CCT5: variants seen among roughly 807,000 people sequenced by gnomAD.
CCT5 encodes the protein chaperonin containing TCP1 subunit 5.
Under a neutral mutation model 55.0 loss-of-function variants are expected in CCT5, and 6 were observed. The ratio of observed to expected loss-of-function variants is 0.11; its 90% CI spans 0.06 to 0.22. The LOEUF (loss-of-function observed/expected upper bound fraction) is 0.22, where lower values mean the gene tolerates loss of function less well. CCT5 is among the 10% of genes least tolerant of loss of function. The pLI, the probability that CCT5 is intolerant of heterozygous loss-of-function variation, is 1.00. For synonymous variants in CCT5, 231 were observed against 243.7 expected, an observed-to-expected ratio of 0.95 and a Z score of 0.49; for missense variants, 560 against 694.6, an observed-to-expected ratio of 0.81 and a Z score of 2.18.
chr5:10,251,862 A>G (rs146352978), intron 1 of CCT5, among the ~76,000 whole-genome samples: 2 of 152,374 alleles, frequency 1.3e-5, no homozygotes, highest in African/African-American at 4.8e-5. Context: ...GTGTAACAAC[A>G]TAACTAAAAC....
chr5:10,258,817 C>A (rs775515354), intron 6 of CCT5, among the ~76,000 whole-genome samples: 1 of 152,120 alleles, frequency 6.6e-6, no homozygotes, highest in Non-Finnish European at 1.5e-5. Flanking sequence ...CACGGTGAAA[C>A]GCCATTTCTA....
intron 8 of CCT5, chr5:10,261,961 A>G (rs557903153): frequency 3.0e-5 from 17 of 564,248 alleles, no homozygotes; most frequent in Non-Finnish European, 3.8e-5. Flanking sequence ...AGAGTATACA[A>G]TATACACTAT....
Position 10,258,582 on chromosome 5 carries a change from A to G in CCT5, c.873+47A>G, listed in dbSNP as rs1357670154. On this transcript the variant is annotated intron_variant, in intron 6 of 10. Transcript: ENST00000280326. ...AGTGGAATTTAAACTCCCAAAGGGT[A>G]CAGTTAGTTAGGTTTGGTTAGTAAA... 4 of 1,545,660 alleles carry G rather than the reference A, an allele frequency of 2.6e-6. No homozygotes were observed. In the Admixed American group the frequency reaches 6.7e-5, roughly 26 times the overall value.
At position 10,260,183 on chromosome 5, in the gene CCT5, G is replaced by A. The variant is rs140987479; in HGVS notation, c.874-609G>A. Among the ~76,000 whole-genome samples the A allele has an allele frequency of 3.0e-3, 457 of 152,334 alleles. 5 individuals are homozygous for A. The highest frequency in any genetic ancestry group is 0.01 in the African/African-American group (432 of 41,580). ...AGGTAAGCCAGAGTTGTGGGGCACG[G>A]TGTGGCAGTCCCAGGTGAGCACCAG... On this transcript the variant is annotated intron_variant, in intron 6 of 10. Transcript: ENST00000280326.
intron 3 of CCT5, among the ~76,000 whole-genome samples, chr5:10,255,354 A>G (rs570316587): frequency 1.3e-4 from 20 of 152,178 alleles, no homozygotes; most frequent in Non-Finnish European, 2.4e-4. Context: ...TCGTTTTAGT[A>G]TTGTACCTTT....
chr5:10,250,221 T>A (rs779018653), upstream of CCT5: 10 of 1,560,580 alleles, frequency 6.4e-6, no homozygotes, highest in South Asian at 1.2e-5. Flanking sequence ...GAAACATAAG[T>A]CCCGCGCGTC....
Position 10,265,173 on chromosome 5 carries a change from G to A in CCT5, c.*390G>A. The A allele has an allele frequency of 4.3e-6, 1 of 232,092 alleles. No homozygotes were observed. The highest frequency in any genetic ancestry group is 5.6e-5 in the South Asian group (1 of 17,904). The allele number at this position is 232,092 out of a possible 1,614,324, so 14.4% of individuals were successfully genotyped here. On this transcript the variant is annotated 3_prime_UTR_variant, in exon 11 of 11. Transcript: ENST00000280326. ...CTCTCAAGATGCACTTTCATATTGA[G>A]AGGAATATGGGCTTGATCCTCTTCC...
Position 10,254,831 on chromosome 5 carries a change from A to C in CCT5, c.324A>C (p.Gly108=). Residue 108 remains glycine (G), a synonymous_variant, in exon 3 of 11, where the codon GGA becomes GGC. Transcript: ENST00000280326. ...ATGAAATTGGAGATGGAACCACAGGAGTGGTTGGTAAGAAAAGACAAAACA... is the reference window on the plus strand; with the variant it reads ...ATGAAATTGGAGATGGAACCACAGGCGTGGTTGGTAAGAAAAGACAAAACA... The part of the protein sequence containing the change: ...QDDEIGDGTT[G]VVVLAGALLE... 1 of 1,613,222 alleles carries C rather than the reference A, an allele frequency of 6.2e-7. No individual in the cohort carries two copies. The highest frequency in any genetic ancestry group is 1.3e-5 in the African/African-American group (1 of 75,044).
chr5:10,250,500 G>C (rs1410009738), intron 1 of CCT5, 55 bp downstream of exon 1: 9 of 1,603,226 alleles, frequency 5.6e-6, no homozygotes, highest in South Asian at 3.3e-5. Context: ...CCGAGGCCGT[G>C]GCTCTGCGCC....
intron 4 of CCT5, 76 bp downstream of exon 4, chr5:10,256,229 A>C: frequency 8.3e-7 from 1 of 1,205,278 alleles, no homozygotes; most frequent in East Asian, 2.5e-5. Flanking sequence ...AGGCAACACA[A>C]AATGACCACT....
At chr5:10,255,812 TA>T (rs1277549153) in intron 3 of CCT5, 142 bp from the exon 4 acceptor site, 1 of 734,548 alleles carries the variant, frequency 1.4e-6, no homozygotes. Flanking sequence ...CTTTTAAAAA[TA>T]GAGGGCTTCT....
chr5:10,251,272 C>T (rs779934167), intron 1 of CCT5, among the ~76,000 whole-genome samples: 20 of 152,074 alleles, frequency 1.3e-4, no homozygotes, highest in Non-Finnish European at 2.1e-4. Context: ...AGAAGGGGAG[C>T]CATTGAGGGG....
At chr5:10,251,551 CAA>C (rs1745416614) in intron 1 of CCT5, among the ~76,000 whole-genome samples, 1 of 152,138 alleles carries the variant, frequency 6.6e-6, no homozygotes, top group Admixed American at 6.5e-5. Flanking sequence ...TTTACTTACG[CAA>C]AGTTAGAAAC....
Position 10,254,146 on chromosome 5 carries a change from C to G in CCT5, c.107C>G (p.Ser36Cys), listed in dbSNP as rs1333902630. 3.1e-6 allele frequency: 5 copies of G among 1,602,550 alleles called. No individual in the cohort carries two copies. The highest frequency in any genetic ancestry group is 2.2e-5 in the South Asian group (2 of 90,790). The part of the protein sequence containing the change: ...SRLMGLEALK[S>C]HIMAAKAVAN... Reference sequence around the variant, plus strand: ...TGCTTTTTCTGTTTGTTTCATTAGTCTCATATAATGGCAGCAAAGGCTGTA... The same window carrying G: ...TGCTTTTTCTGTTTGTTTCATTAGTGTCATATAATGGCAGCAAAGGCTGTA... Residue 36 changes from serine to cysteine, a missense_variant and splice_region_variant, in exon 2 of 11, where the codon TCT (serine) becomes TGT (cysteine). Coordinates refer to ENST00000280326, the MANE Select transcript of CCT5 (RefSeq NM_012073.5).
intron 6 of CCT5, among the ~76,000 whole-genome samples, chr5:10,258,857 G>A (rs1745811697): frequency 6.6e-6 from 1 of 152,138 alleles, no homozygotes; most frequent in African/African-American, 2.4e-5. Flanking sequence ...GCCAGGCATG[G>A]TGGCAGGCAC....
chr5:10,258,069 A>G (rs777975926), intron 4 of CCT5, 42 bp from the exon 5 acceptor site: 2 of 1,588,846 alleles, frequency 1.3e-6, no homozygotes, highest in African/African-American at 1.3e-5. Flanking sequence ...GGTTGCAGTA[A>G]TTGTGAAACC....
Position 10,254,702 on chromosome 5 carries a change from T to C in CCT5, c.195T>C (p.Asp65=), listed in dbSNP as rs1291384974. The C allele has an allele frequency of 1.2e-6, 2 of 1,613,830 alleles. No homozygotes were observed. Among genetic ancestry groups the C allele is most frequent in the Admixed American group, 3.3e-5 (2 of 60,010 alleles). The change falls in exon 3 of 11, where the codon GAT becomes GAC. Residue 65 remains aspartate, a synonymous_variant. Coordinates refer to ENST00000280326, the MANE Select transcript of CCT5 (RefSeq NM_012073.5). ...TTGATAAGATGATGGTGGATAAGGA[T>C]GGAGATGTGACTGTAACTAATGATG... is the stretch of plus-strand genomic sequence containing the variant. ...NGLDKMMVDK[D]GDVTVTNDGA... is the part of the protein sequence containing the mutation.
intron 1 of CCT5, chr5:10,250,731 C>A (rs1400620053): frequency 1.6e-5 from 20 of 1,258,452 alleles, no homozygotes; most frequent in Non-Finnish European, 6.0e-6. Flanking sequence ...AAAGCGGGAC[C>A]GCCTCCCCGC....
At position 10,254,170 on chromosome 5, in the gene CCT5, T is replaced by C; in HGVS notation, c.131T>C (p.Val44Ala). The change falls in exon 2 of 11, where the codon GTA becomes GCA. Residue 44 changes from valine (V) to alanine (A), a missense_variant. By Grantham distance (64) the Val-to-Ala change is moderately conservative (BLOSUM62 0). Coordinates refer to ENST00000280326, the MANE Select transcript of CCT5 (RefSeq NM_012073.5). ...TCTCATATAATGGCAGCAAAGGCTG[T>C]AGCAAATACAATGAGAACATCACTT... ...LKSHIMAAKAVANTMRTSLGP... is the reference protein window; with the variant it reads ...LKSHIMAAKAAANTMRTSLGP... The C allele has an allele frequency of 6.2e-7, 1 of 1,610,302 alleles. No individual in the cohort carries two copies.
Sources: allele counts gnomAD v4.1 joint callset (sites outside exome capture counted in the v4.1 genomes callset), GRCh38; gene constraint gnomAD v4.1.1; transcripts MANE v1.5; gene names NCBI Gene and HGNC (gene_info 2026-07-23, HGNC 2026-07-21).